RBFOX1: variants seen among roughly 807,000 people sequenced by gnomAD.
RBFOX1 encodes RNA binding protein fox-1 homolog 1.
Under a neutral mutation model 57.7 loss-of-function variants are expected in RBFOX1, and 8 were observed. The observed-to-expected ratio is 0.14, with a 90% CI of 0.08 to 0.25. The LOEUF (loss-of-function observed/expected upper bound fraction) is 0.25. RBFOX1 is among the 10% of genes least tolerant of loss of function. The pLI, the probability that RBFOX1 is intolerant of heterozygous loss-of-function variation, is 1.00. For synonymous variants in RBFOX1, 326 were observed against 222.4 expected (o/e 1.47, Z -4.15); for missense variants, 611 against 548.5 (o/e 1.11, Z -1.14).
intron 3 of RBFOX1, among the ~76,000 whole-genome samples, chr16:6,861,717 A>C (rs17141574): frequency 0.063 from 9,596 of 151,608 alleles, 1,075 homozygotes; most frequent in African/African-American, 0.22. Flanking sequence ...AAGGCCCGGA[A>C]GTCTTCAGGA....
At chr16:7,668,686 G>T (rs377361620) in intron 13 of RBFOX1, among the ~76,000 whole-genome samples, 2 of 150,690 alleles carry the variant, frequency 1.3e-5, no homozygotes, top group Non-Finnish European at 3.0e-5. Flanking sequence ...ACACACTTTT[G>T]TATAAAAAGA....
intron 3 of RBFOX1, among the ~76,000 whole-genome samples, chr16:6,824,203 G>A (rs749764316): frequency 3.3e-5 from 5 of 152,202 alleles, no homozygotes; most frequent in Non-Finnish European, 5.9e-5. Flanking sequence ...TCAGGAGTTC[G>A]AGACCAGTCT....
intron 1 of RBFOX1, among the ~76,000 whole-genome samples, chr16:5,265,508 C>T (rs1596337970): frequency 6.6e-6 from 1 of 152,110 alleles, no homozygotes; most frequent in East Asian, 1.9e-4. Flanking sequence ...TGACTGATTC[C>T]CAACTATCAG....
At chr16:6,690,612 C>A (rs755092911) in intron 3 of RBFOX1, among the ~76,000 whole-genome samples, 5 of 151,970 alleles carry the variant, frequency 3.3e-5, no homozygotes, top group Non-Finnish European at 4.4e-5. Context: ...TAAGACCAAG[C>A]AGGGATTGGT....
At chr16:5,281,020 C>G (rs1437784915) in intron 1 of RBFOX1, among the ~76,000 whole-genome samples, 2 of 151,970 alleles carry the variant, frequency 1.3e-5, no homozygotes, top group African/African-American at 4.8e-5. Context: ...TGAGGTGCAT[C>G]ATTAGGTTGT....
chr16:5,439,631 A>G (rs582567), intron 1 of RBFOX1, among the ~76,000 whole-genome samples: 112,069 of 151,946 alleles, frequency 0.74, 41,934 homozygotes, highest in African/African-American at 0.86. Context: ...TGTGCAGATG[A>G]TGGTGTCCTT....
intron 1 of RBFOX1, among the ~76,000 whole-genome samples, chr16:6,300,276 T>C (rs1165501209): frequency 1.3e-5 from 2 of 152,154 alleles, no homozygotes; most frequent in African/African-American, 2.4e-5. Flanking sequence ...GGTACAACTA[T>C]AGTTAGTAAC....
chr16:6,498,197 A>C (rs2095824683), intron 2 of RBFOX1, among the ~76,000 whole-genome samples: 1 of 150,118 alleles, frequency 6.7e-6, no homozygotes, highest in Admixed American at 6.8e-5. Flanking sequence ...GGTTGCAGTG[A>C]GCCAAGATTG....
intron 2 of RBFOX1, among the ~76,000 whole-genome samples, chr16:6,390,198 A>T (rs1190012711): frequency 1.3e-5 from 2 of 152,222 alleles, no homozygotes; most frequent in African/African-American, 2.4e-5. Flanking sequence ...CTATTTATGC[A>T]CATGCAATGG....
chr16:5,471,460 G>A (rs1008181640), intron 2 of RBFOX1, among the ~76,000 whole-genome samples: 1 of 152,160 alleles, frequency 6.6e-6, no homozygotes, highest in African/African-American at 2.4e-5. Flanking sequence ...CTAACAGAGA[G>A]GATCCAGGTC....
chr16:5,749,799 C>T (rs1007262278), intron 3 of RBFOX1, among the ~76,000 whole-genome samples: 11 of 152,164 alleles, frequency 7.2e-5, no homozygotes, highest in South Asian at 2.1e-4. Context: ...AGCTTCTTTG[C>T]GATGGGTTCG....
chr16:5,954,636 A>G (rs941230470), intron 4 of RBFOX1, among the ~76,000 whole-genome samples: 1 of 152,112 alleles, frequency 6.6e-6, no homozygotes, highest in African/African-American at 2.4e-5. Flanking sequence ...GGAAACTGTA[A>G]TGAGGACTCA....
At chr16:6,181,958 A>G (rs7186747) in intron 1 of RBFOX1, among the ~76,000 whole-genome samples, 142,930 of 152,140 alleles carry the variant, frequency 0.94, 67,390 homozygotes, top group South Asian at 1. Flanking sequence ...GCAATTACGG[A>G]GGATGTTTCC....
chr16:7,022,865 CA>C (rs1349404246), intron 3 of RBFOX1, among the ~76,000 whole-genome samples: 1 of 152,144 alleles, frequency 6.6e-6, no homozygotes, highest in Non-Finnish European at 1.5e-5. Flanking sequence ...CAACTGCCTC[CA>C]ATGTTCACAC....
intron 4 of RBFOX1, among the ~76,000 whole-genome samples, chr16:5,953,080 C>G (rs2059553157): frequency 6.8e-6 from 1 of 146,366 alleles, no homozygotes; most frequent in Non-Finnish European, 1.5e-5. Flanking sequence ...ACTGATTTAG[C>G]TCTGCCTCTG....
intron 1 of RBFOX1, among the ~76,000 whole-genome samples, chr16:5,407,469 G>C (rs1407803938): frequency 1.3e-5 from 2 of 152,144 alleles, no homozygotes; most frequent in Admixed American, 1.3e-4. Context: ...GGTGAGGAAG[G>C]CTTGTGGACG....
intron 4 of RBFOX1, among the ~76,000 whole-genome samples, chr16:7,113,978 A>C (rs949742077): frequency 2.0e-5 from 3 of 152,180 alleles, no homozygotes; most frequent in Non-Finnish European, 4.4e-5. Flanking sequence ...TGCCTTTTGC[A>C]TCGTGAGTGC....
intron 1 of RBFOX1, among the ~76,000 whole-genome samples, chr16:5,278,340 G>C (rs150009477): frequency 6.6e-6 from 1 of 152,068 alleles, no homozygotes; most frequent in Admixed American, 6.5e-5. Flanking sequence ...TTCTTTTGCT[G>C]TGCAGAAGCT....
intron 4 of RBFOX1, among the ~76,000 whole-genome samples, chr16:7,185,780 A>G (rs1050233613): frequency 6.6e-6 from 1 of 152,190 alleles, no homozygotes; most frequent in Admixed American, 6.5e-5. Flanking sequence ...TAAAGTCTTT[A>G]CACTGGCATA....
Sources: gnomAD v4.1 joint callset for allele counts (sites outside exome capture counted in the v4.1 genomes callset) on GRCh38, gnomAD v4.1.1 for gene constraint, MANE v1.5 for transcripts, NCBI Gene and HGNC (gene_info 2026-07-23, HGNC 2026-07-21) for gene names.